CSNK2A2IP: variants seen among roughly 807,000 people sequenced by gnomAD.
The protein encoded by CSNK2A2IP is casein kinase 2 subunit alpha' interacting protein.
the CSNK2A2IP span, among the ~76,000 whole-genome samples, chr3:88,368,042 T>C: frequency 6.6e-6 from 1 of 152,024 alleles, no homozygotes. Flanking sequence ...AGCTAAACAA[T>C]GTGGACTTCA....
chr3:88,357,411 T>C, the CSNK2A2IP span, among the ~76,000 whole-genome samples: 1 of 152,186 alleles, frequency 6.6e-6, no homozygotes, highest in South Asian at 2.1e-4. Flanking sequence ...ATGGGTTCTG[T>C]TCCATTAGTG....
chr3:88,358,984 G>T, the CSNK2A2IP span, among the ~76,000 whole-genome samples: 3 of 150,492 alleles, frequency 2.0e-5, no homozygotes, highest in Non-Finnish European at 4.4e-5. Context: ...TTTTCTGGGA[G>T]ACTTTTTTGT....
chr3:88,376,371 G>C, the CSNK2A2IP span, among the ~76,000 whole-genome samples: 1 of 151,138 alleles, frequency 6.6e-6, no homozygotes, highest in African/African-American at 2.4e-5. Context: ...TTTTTTTTGA[G>C]TGAGGTGAAT....
chr3:88,376,234 T>C, the CSNK2A2IP span, among the ~76,000 whole-genome samples: 1 of 151,860 alleles, frequency 6.6e-6, no homozygotes, highest in Admixed American at 6.6e-5. Context: ...TTTTTCATTG[T>C]ACTCCTCTCC....
the CSNK2A2IP span, among the ~76,000 whole-genome samples, chr3:88,438,893 T>C: frequency 6.6e-6 from 1 of 151,506 alleles, no homozygotes; most frequent in African/African-American, 2.4e-5. Flanking sequence ...CATTTTTTTC[T>C]GCCCCTACAT....
the CSNK2A2IP span, among the ~76,000 whole-genome samples, chr3:88,385,257 C>T: frequency 3.3e-5 from 5 of 151,968 alleles, no homozygotes; most frequent in East Asian, 3.9e-4. Context: ...GAAAACTGGG[C>T]GTGTGTAGTG....
the CSNK2A2IP span, among the ~76,000 whole-genome samples, chr3:88,380,664 G>A: frequency 6.6e-6 from 1 of 151,872 alleles, no homozygotes; most frequent in Non-Finnish European, 1.5e-5. Context: ...GACTGGAATT[G>A]CCCCATGTAA....
At chr3:88,384,371 AAAAAAAAC>A in the CSNK2A2IP span, among the ~76,000 whole-genome samples, 4 of 133,790 alleles carry the variant, frequency 3.0e-5, no homozygotes. Context: ...CCAAAATTAA[AAAAAAAAC>A]AAAAAAACAA....
At chr3:88,439,461 T>A in the CSNK2A2IP span, among the ~76,000 whole-genome samples, 1 of 151,960 alleles carries the variant, frequency 6.6e-6, no homozygotes, top group Non-Finnish European at 1.5e-5. Flanking sequence ...ATGGAAGAGT[T>A]GGCCAGGCGT....
At chr3:88,415,410 T>C in the CSNK2A2IP span, among the ~76,000 whole-genome samples, 4 of 152,154 alleles carry the variant, frequency 2.6e-5, no homozygotes, top group South Asian at 4.1e-4. Context: ...GAGGATGGTA[T>C]CACATTATAG....
At chr3:88,405,470 ACT>A in the CSNK2A2IP span, among the ~76,000 whole-genome samples, 1 of 151,940 alleles carries the variant, frequency 6.6e-6, no homozygotes, top group African/African-American at 2.4e-5. Flanking sequence ...CCTCATGTTA[ACT>A]CTGCGTCTTG....
At chr3:88,443,434 T>C in the CSNK2A2IP span, among the ~76,000 whole-genome samples, 1 of 152,094 alleles carries the variant, frequency 6.6e-6, no homozygotes, top group Non-Finnish European at 1.5e-5. Context: ...TGCAGAGATC[T>C]GGGTCAAAGA....
chr3:88,345,833 C>T, the CSNK2A2IP span, among the ~76,000 whole-genome samples: 1 of 151,980 alleles, frequency 6.6e-6, no homozygotes. Context: ...AAGAGCTGCA[C>T]GTCTCTCACT....
At chr3:88,402,565 A>G in the CSNK2A2IP span, among the ~76,000 whole-genome samples, 4 of 152,130 alleles carry the variant, frequency 2.6e-5, no homozygotes, top group African/African-American at 9.6e-5. Context: ...CAATGAATAA[A>G]GAAAATCAAT....
At chr3:88,395,890 A>C in the CSNK2A2IP span, among the ~76,000 whole-genome samples, 1 of 152,120 alleles carries the variant, frequency 6.6e-6, no homozygotes, top group Non-Finnish European at 1.5e-5. Flanking sequence ...TTTATTTTAT[A>C]ATCATTTATT....
chr3:88,458,698 G>A, the CSNK2A2IP span, among the ~76,000 whole-genome samples: 1 of 151,740 alleles, frequency 6.6e-6, no homozygotes, highest in Non-Finnish European at 1.5e-5. Flanking sequence ...GTCATTTATT[G>A]TTACAGATAG....
At chr3:88,391,787 G>A in the CSNK2A2IP span, among the ~76,000 whole-genome samples, 1 of 152,222 alleles carries the variant, frequency 6.6e-6, no homozygotes, top group Admixed American at 6.5e-5. Flanking sequence ...TCATGAGACT[G>A]TGTACAATCT....
the CSNK2A2IP span, among the ~76,000 whole-genome samples, chr3:88,401,626 C>G: frequency 6.6e-6 from 1 of 152,074 alleles, no homozygotes; most frequent in Non-Finnish European, 1.5e-5. Context: ...TTAGGATTAT[C>G]AGGCTCTAAA....
chr3:88,388,062 T>C, the CSNK2A2IP span, among the ~76,000 whole-genome samples: 1 of 152,214 alleles, frequency 6.6e-6, no homozygotes, highest in Non-Finnish European at 1.5e-5. Context: ...CTTAATTAAG[T>C]CTTTCCTGCT....
Sources: allele counts gnomAD v4.1 joint callset (sites outside exome capture counted in the v4.1 genomes callset), GRCh38; gene constraint gnomAD v4.1.1; transcripts MANE v1.5; gene names NCBI Gene and HGNC (gene_info 2026-07-23, HGNC 2026-07-21).